CYREN: variants seen among roughly 807,000 people sequenced by gnomAD.
CYREN encodes cell cycle regulator of non-homologous end joining.
A neutral mutation model predicts 9.7 loss-of-function variants in CYREN; 7 were observed. The observed-to-expected ratio is 0.72, with a 90% confidence interval of 0.41 to 1.36. The LOEUF (loss-of-function observed/expected upper bound fraction) is 1.36, where lower values mean the gene tolerates loss of function less well. CYREN is among the 40% of genes most tolerant of loss of function. The pLI is 0.01. For missense variants in CYREN, 215 were observed against 198.1 expected (o/e 1.09, Z -0.51); for synonymous variants, 76 against 77.9 (o/e 0.98, Z 0.13).
downstream of CYREN, chr7:135,165,391 A>C (rs1830068295): frequency 2.6e-5 from 5 of 190,270 alleles, no homozygotes; most frequent in South Asian, 7.5e-4. Flanking sequence ...AAACCTAGCA[A>C]AGAACTTACG....
At chr7:135,135,344 C>T in intron 2 of CYREN, 1 of 1,248,552 alleles carries the variant, frequency 8.0e-7, no homozygotes, top group East Asian at 2.6e-5. Flanking sequence ...AAAGCCCTCC[C>T]CTTCCCCTTT....
chr7:135,164,672 G>A (rs148887222), downstream of CYREN: 1,033 of 1,613,648 alleles, frequency 6.4e-4, 8 homozygotes, highest in Non-Finnish European at 1.8e-4. Flanking sequence ...GGGTGCCTCG[G>A]GTTGGCCTGG....
At chr7:135,115,345 A>T in intron 2 of CYREN, 2 of 1,347,230 alleles carry the variant, frequency 1.5e-6, no homozygotes, top group Non-Finnish European at 2.1e-6. Flanking sequence ...AATAGAGTTC[A>T]TATCTCTGTA....
At chr7:135,130,611 A>G (rs1263000225) in intron 2 of CYREN, among the ~76,000 whole-genome samples, 1 of 151,800 alleles carries the variant, frequency 6.6e-6, no homozygotes, top group Non-Finnish European at 1.5e-5. Context: ...TATTAATTTA[A>G]TATAATATAA....
At chr7:135,155,021 T>C (rs1372461288) in intron 2 of CYREN, among the ~76,000 whole-genome samples, 1 of 152,238 alleles carries the variant, frequency 6.6e-6, no homozygotes, top group Non-Finnish European at 1.5e-5. Context: ...GCTTCAATGT[T>C]GGGTACATAT....
downstream of CYREN, among the ~76,000 whole-genome samples, chr7:135,161,101 T>A (rs2117461159): frequency 6.6e-6 from 1 of 152,272 alleles, no homozygotes; most frequent in Admixed American, 6.5e-5. This position sits in a 1 kb window ranked among gnomAD's most constrained non-coding sequence, Gnocchi z 4.1. Context: ...TCATAAGAGC[T>A]GGGACTGAAT....
Position 135,115,493 on chromosome 7 carries a change from G to A in CYREN, n.357-20911C>T, listed in dbSNP as rs78930373. The A allele has an allele frequency of 2.7e-5, 42 of 1,551,206 alleles. No individual in the cohort carries two copies. The East Asian group carries it at 1.0e-3, about 37-fold the overall frequency. On this transcript the variant is annotated intron_variant and non_coding_transcript_variant, in intron 2 of 2. Transcript: ENST00000459937. The stretch of plus-strand genomic sequence containing the variant: ...AAGAAGCTACAAGGATAAAGGAATA[G>A]TTCAAACTCAAGAAATATTGCAGTA...
chr7:135,092,947 G>A (rs1310609172), exon 3 of CYREN: 1 of 151,744 alleles, frequency 6.6e-6, no homozygotes, highest in Admixed American at 6.6e-5. Context: ...CTCAATAGAT[G>A]CAGAAAAAGT....
intron 3 of CYREN, chr7:135,167,416 AG>A: frequency 8.5e-7 from 1 of 1,174,322 alleles, no homozygotes; most frequent in Non-Finnish European, 1.1e-6. Context: ...AACCTTTCCA[AG>A]AACACAAACA....
rs150585307 is a variant in CYREN, at chr7:135,151,546, C to T, written n.356+17203G>A. Among the ~76,000 whole-genome samples the T allele has an allele frequency of 4.6e-3, 705 of 152,290 alleles. 3 individuals are homozygous for T. The highest frequency in any genetic ancestry group is 0.016 in the African/African-American group (672 of 41,546). Reference sequence around the variant, plus strand: ...CCCAGTTCTCCTCTCTCCATTCAGGCGACACACCCAACCATGTCTACCTGA... The same window carrying T: ...CCCAGTTCTCCTCTCTCCATTCAGGTGACACACCCAACCATGTCTACCTGA... On this transcript the variant is annotated intron_variant and non_coding_transcript_variant, in intron 2 of 2. Transcript: ENST00000459937. This position sits in a 1 kb window ranked among gnomAD's most constrained non-coding sequence, Gnocchi z 4.3.
At chr7:135,134,775 A>G (rs1829247960) in intron 2 of CYREN, 4 of 1,358,120 alleles carry the variant, frequency 2.9e-6, no homozygotes, top group South Asian at 1.4e-5. Flanking sequence ...TACTATGACA[A>G]CATACCTAGG....
intron 2 of CYREN, among the ~76,000 whole-genome samples, chr7:135,141,640 T>C (rs2117397282): frequency 6.6e-6 from 1 of 152,242 alleles, no homozygotes; most frequent in East Asian, 1.9e-4. Flanking sequence ...CTAGGTGTGG[T>C]GTTAGATTGT....
chr7:135,164,770 A>T (rs923581131), downstream of CYREN: 1 of 1,614,000 alleles, frequency 6.2e-7, no homozygotes, highest in Non-Finnish European at 8.5e-7. Context: ...AACAGTGATG[A>T]GAGAGCGTGG....
chr7:135,123,921 A>G (rs914619398), intron 2 of CYREN, among the ~76,000 whole-genome samples: 1 of 152,192 alleles, frequency 6.6e-6, no homozygotes, highest in Non-Finnish European at 1.5e-5. Context: ...AAAAACCAGT[A>G]CCAGCCACTG....
At chr7:135,156,691 T>A (rs1177657132) in intron 2 of CYREN, among the ~76,000 whole-genome samples, 1 of 152,228 alleles carries the variant, frequency 6.6e-6, no homozygotes, top group Non-Finnish European at 1.5e-5. Context: ...ATATTTTGAA[T>A]TCTTTATCTA....
downstream of CYREN, chr7:135,164,340 A>AC: frequency 8.2e-7 from 1 of 1,222,740 alleles, no homozygotes. Flanking sequence ...AAGAAATGCC[A>AC]AAGGGAGAAC....
At chr7:135,137,943 T>C (rs1829383744) in intron 2 of CYREN, among the ~76,000 whole-genome samples, 1 of 151,988 alleles carries the variant, frequency 6.6e-6, no homozygotes, top group Admixed American at 6.6e-5. Context: ...TCATGAGGGC[T>C]TCACCCTCAT....
chr7:135,152,293 G>A (rs571040860), intron 2 of CYREN, among the ~76,000 whole-genome samples: 41 of 152,190 alleles, frequency 2.7e-4, no homozygotes, highest in Admixed American at 6.5e-5. Flanking sequence ...TCTTCACTAC[G>A]TCAAATGGGA....
At chr7:135,167,120 A>G in intron 3 of CYREN, 1 of 985,374 alleles carries the variant, frequency 1.0e-6, no homozygotes, top group Middle Eastern at 5.2e-4. Context: ...GGATTAGCTG[A>G]GGGGAAAGGA....
Sources: gnomAD v4.1 joint callset for allele counts (sites outside exome capture counted in the v4.1 genomes callset) on GRCh38, gnomAD v4.1.1 for gene constraint, Gnocchi (gnomAD v3.1) non-coding constraint, MANE v1.5 for transcripts, NCBI Gene and HGNC (gene_info 2026-07-23, HGNC 2026-07-21) for gene names.